The following GRAMD2A variants were observed in gnomAD, a reference collection of about 807,000 sequenced individuals.
GRAMD2A encodes GRAM domain containing 2A.
A neutral mutation model predicts 51.1 loss-of-function variants in GRAMD2A; 37 were observed. The observed-to-expected ratio is 0.72, with a 90% CI of 0.56 to 0.95. GRAMD2A has a LOEUF of 0.95. Ranked by LOEUF, GRAMD2A falls within the 40% of genes least tolerant of loss-of-function variation. The pLI, the probability that GRAMD2A is intolerant of heterozygous loss-of-function variation, is 0.00. For synonymous variants in GRAMD2A, 136 were observed against 157.1 expected, an observed-to-expected ratio of 0.87 and a Z score of 1.01; for missense variants, 414 against 426.9, an observed-to-expected ratio of 0.97 and a Z score of 0.27.
In GRAMD2A at chr15:72,167,790, G is replaced by A. The variant is rs1434589727; in HGVS notation, c.318C>T (p.Tyr106=). ...GGAAGCAGAGCCAGTTGGGGGAGAT[G>A]TAGAGCCGGCCCTGGAGGAGGAAGT... is the stretch of plus-strand genomic sequence containing the variant. ...QRDFLLQGRL[Y]ISPNWLCFHA... Residue 106 remains tyrosine (Y), a synonymous_variant, in exon 5 of 12, where the codon TAC becomes TAT. Transcript: ENST00000309731. The A allele has an allele frequency of 1.2e-6, 2 of 1,614,160 alleles. No homozygotes were observed. Among genetic ancestry groups the A allele is most frequent in the South Asian group, 1.1e-5 (1 of 91,088 alleles).
At chr15:72,191,241 C>T (rs2081765832) in intron 1 of GRAMD2A, among the ~76,000 whole-genome samples, 1 of 151,838 alleles carries the variant, frequency 6.6e-6, no homozygotes, top group Non-Finnish European at 1.5e-5. Flanking sequence ...CTCTTGTTGC[C>T]CAGGCTGGAG....
In GRAMD2A at chr15:72,192,621, G is replaced by T. The variant is rs80263510; in HGVS notation, c.41+5110C>A. ...GGTAAGGCAATGAAATGAAATACCA[G>T]CAGGATCTCGACAATTAACTACTAT... On this transcript the variant is annotated intron_variant, in intron 1 of 11. Transcript: ENST00000309731. Among the ~76,000 whole-genome samples the T allele has an allele frequency of 6.0e-3, 908 of 152,316 alleles. 10 individuals are homozygous for T. The highest frequency in any genetic ancestry group is 0.019 in the African/African-American group (805 of 41,570).
intron 2 of GRAMD2A, chr15:72,169,213 G>C: frequency 1.7e-6 from 1 of 585,782 alleles, no homozygotes; most frequent in Non-Finnish European, 3.1e-6. Context: ...AGGTAGAGAG[G>C]GGTCGCCAAG....
At chr15:72,195,405 A>T (rs986127440) in intron 1 of GRAMD2A, among the ~76,000 whole-genome samples, 9 of 152,186 alleles carry the variant, frequency 5.9e-5, no homozygotes, top group African/African-American at 2.2e-4. Flanking sequence ...GTGGCAGGCA[A>T]GGACCAGAGC....
intron 1 of GRAMD2A, among the ~76,000 whole-genome samples, chr15:72,171,071 C>T (rs1053738335): frequency 3.3e-5 from 5 of 152,218 alleles, no homozygotes; most frequent in Non-Finnish European, 7.3e-5. Flanking sequence ...GTGTCCGGTC[C>T]TACAGTGAAC....
chr15:72,197,394 A>G (rs2081816074), intron 1 of GRAMD2A, among the ~76,000 whole-genome samples: 1 of 152,166 alleles, frequency 6.6e-6, no homozygotes. Flanking sequence ...GGATGAACAG[A>G]GTGGCGAGGC....
chr15:72,196,901 A>G (rs1290146117), intron 1 of GRAMD2A, among the ~76,000 whole-genome samples: 2 of 152,100 alleles, frequency 1.3e-5, no homozygotes, highest in Non-Finnish European at 2.9e-5. Flanking sequence ...TCACACATTC[A>G]TCCTACCTGC....
rs1450003141 is a variant in GRAMD2A, at chr15:72,161,565, T to A, written c.*444A>T. The A allele has an allele frequency of 1.0e-5, 2 of 192,462 alleles. No individual in the cohort carries two copies. Among genetic ancestry groups the A allele is most frequent in the Non-Finnish European group, 2.2e-5 (2 of 92,712 alleles). 11.9% of individuals were successfully genotyped at this position (192,462 alleles called of 1,614,324 possible). On this transcript the variant is annotated 3_prime_UTR_variant, in exon 12 of 12. Transcript: ENST00000309731. ...GCAGAGCCCACATGGGTGGTTTGTGTTCTGACCTCTGACCCCACCATAGGA... is the reference window on the plus strand; with the variant it reads ...GCAGAGCCCACATGGGTGGTTTGTGATCTGACCTCTGACCCCACCATAGGA...
In GRAMD2A at chr15:72,163,550, C is replaced by T; in HGVS notation, c.745+63G>A. The T allele has an allele frequency of 3.1e-6, 5 of 1,593,328 alleles. No individual in the cohort carries two copies. In the South Asian group the frequency reaches 5.6e-5, roughly 18 times the overall value. ...GCTGTGGTGAGCCCTTTTTATGGAA[C>T]TGGGAAGACAGAAAGTCTGGCCTTT... On this transcript the variant is annotated intron_variant, in intron 9 of 11. Transcript: ENST00000309731.
intron 1 of GRAMD2A, among the ~76,000 whole-genome samples, chr15:72,178,108 C>A (rs2081668420): frequency 6.6e-6 from 1 of 152,178 alleles, no homozygotes; most frequent in African/African-American, 2.4e-5. Flanking sequence ...TGCCCCCACC[C>A]CTCCTTTCTT....
chr15:72,163,603 C>T lies in GRAMD2A; in HGVS notation c.745+10G>A, dbSNP rs1427639159. Reference sequence around the variant, plus strand: ...AAGTAGTTGCCATGGACAAGCCCTCCCGAACTTACCAGACATTGGAGGCTT... The same window carrying T: ...AAGTAGTTGCCATGGACAAGCCCTCTCGAACTTACCAGACATTGGAGGCTT... On this transcript the variant is annotated intron_variant, in intron 9 of 11. Coordinates refer to ENST00000309731, the MANE Select transcript of GRAMD2A (RefSeq NM_001012642.3). 1 of 1,594,612 alleles carries T rather than the reference C, an allele frequency of 6.3e-7. No homozygotes were observed. The highest frequency in any genetic ancestry group is 2.2e-5 in the East Asian group (1 of 44,700).
chr15:72,171,814 T>C (rs1043251900), intron 1 of GRAMD2A, among the ~76,000 whole-genome samples: 1 of 149,214 alleles, frequency 6.7e-6, no homozygotes, highest in African/African-American at 2.4e-5. Context: ...TTCATTTGTA[T>C]AAATTTTTTC....
intron 1 of GRAMD2A, among the ~76,000 whole-genome samples, chr15:72,188,036 T>C (rs1169602673): frequency 6.6e-6 from 1 of 152,152 alleles, no homozygotes; most frequent in Non-Finnish European, 1.5e-5. Context: ...CAAATTACAA[T>C]GTATAATAAG....
intron 2 of GRAMD2A, chr15:72,169,259 C>G: frequency 1.8e-6 from 1 of 547,776 alleles, no homozygotes; most frequent in Non-Finnish European, 3.3e-6. Context: ...GCAGCATCTC[C>G]TGGAGGTGCG....
chr15:72,180,026 C>T (rs1211505226), intron 1 of GRAMD2A, among the ~76,000 whole-genome samples: 4 of 152,222 alleles, frequency 2.6e-5, no homozygotes, highest in Non-Finnish European at 4.4e-5. Context: ...AGCTCAGGCC[C>T]AGCCTCCCTT....
At chr15:72,187,386 T>C (rs943779050) in intron 1 of GRAMD2A, among the ~76,000 whole-genome samples, 3 of 148,074 alleles carry the variant, frequency 2.0e-5, no homozygotes, top group Admixed American at 2.0e-4. Flanking sequence ...GAGCCTGGGA[T>C]GTTGAGGCTG....
Position 72,167,749 on chromosome 15 carries a change from C to A in GRAMD2A, c.359G>T (p.Gly120Val). The A allele has an allele frequency of 6.2e-7, 1 of 1,613,642 alleles. No homozygotes were observed. The highest frequency in any genetic ancestry group is 8.5e-7 in the Non-Finnish European group (1 of 1,179,568). ...NWLCFHASLF[G>V]KDIKVVIPVV... Reference sequence around the variant, plus strand: ...ACTCATTACTACCTTGATATCCTTGCCAAAGAGGCTGGCATGGAAGCAGAG... The same window carrying A: ...ACTCATTACTACCTTGATATCCTTGACAAAGAGGCTGGCATGGAAGCAGAG... The change falls in exon 5 of 12, where the codon GGC becomes GTC. Residue 120 changes from glycine (G) to valine (V), a missense_variant. By Grantham distance (109) the Gly-to-Val change is moderately radical (BLOSUM62 -3). Transcript: ENST00000309731.
Position 72,166,928 on chromosome 15 carries a change from C to T in GRAMD2A, c.471+66G>A. The T allele has an allele frequency of 7.7e-7, 1 of 1,298,532 alleles. No individual in the cohort carries two copies. The highest frequency in any genetic ancestry group is 1.1e-6 in the Non-Finnish European group (1 of 893,412). 80.4% of individuals were successfully genotyped at this position (1,298,532 alleles called of 1,614,324 possible). On this transcript the variant is annotated intron_variant, in intron 6 of 11. Transcript: ENST00000309731. This position sits in a 1 kb window ranked among gnomAD's most constrained non-coding sequence, Gnocchi z 4.1. ...TAAAGACCTGGGAATGTGCCCGAGT[C>T]AGACTGTGGGCTGTCAGGGCTGGGA...
chr15:72,195,410 C>A (rs2081797497), intron 1 of GRAMD2A, among the ~76,000 whole-genome samples: 1 of 152,156 alleles, frequency 6.6e-6, no homozygotes, highest in South Asian at 2.1e-4. Context: ...AGGCAAGGAC[C>A]AGAGCGAACC....
Sources: allele counts gnomAD v4.1 joint callset (sites outside exome capture counted in the v4.1 genomes callset), GRCh38; gene constraint gnomAD v4.1.1; non-coding constraint Gnocchi (gnomAD v3.1); transcripts MANE v1.5; gene names NCBI Gene and HGNC (gene_info 2026-07-23, HGNC 2026-07-21).